Variants in RETREG1 observed in about 807,000 individuals in gnomAD.
The protein encoded by RETREG1 is reticulophagy regulator 1, also known as family with sequence similarity 134 member B.
In RETREG1, 44 loss-of-function variants were observed where a neutral mutation model predicts 54.8. That is an observed-to-expected ratio of 0.80 (90% CI 0.63 to 1.03). The LOEUF is 1.03. Among genes scored for constraint, RETREG1 ranks in the 50% least tolerant of loss-of-function variants. The pLI is 0.00. For missense variants in RETREG1, 554 were observed against 605.1 expected, an observed-to-expected ratio of 0.92 and a Z score of 0.89; for synonymous variants, 217 against 238.5, an observed-to-expected ratio of 0.91 and a Z score of 0.83.
chr5:16,565,630 T>TC, intron 3 of RETREG1, 133 bp downstream of exon 3: 1 of 972,166 alleles, frequency 1.0e-6, no homozygotes, highest in Non-Finnish European at 1.6e-6. Flanking sequence ...TTCTTCATTT[T>TC]CCCACTCTGG....
Position 16,594,320 on chromosome 5 carries a change from A to C in RETREG1, c.321-22218T>G, listed in dbSNP as rs553347404. ...AAGCTACAAGTTCTAAGTGTATTAG[A>C]ATAGATTTTTAAATGTGACTGAATG... On this transcript the variant is annotated intron_variant, in intron 1 of 8. Transcript: ENST00000306320. This position sits in a 1 kb window ranked among gnomAD's most constrained non-coding sequence, Gnocchi z 4.4. Among the ~76,000 whole-genome samples, 13 of 152,366 alleles carry C rather than the reference A, an allele frequency of 8.5e-5. No homozygotes were observed. The highest frequency in any genetic ancestry group is 2.9e-4 in the African/African-American group (12 of 41,588).
chr5:16,607,373 G>T (rs988971785), intron 1 of RETREG1, among the ~76,000 whole-genome samples: 14 of 151,982 alleles, frequency 9.2e-5, no homozygotes, highest in Non-Finnish European at 1.8e-4. Flanking sequence ...TGGTGGCTCG[G>T]CTGGCCAAGA....
chr5:16,569,287 CT>C (rs59365372), intron 2 of RETREG1, among the ~76,000 whole-genome samples: 15,112 of 140,732 alleles, frequency 0.11, 860 homozygotes, highest in African/African-American at 0.17. Context: ...CCATTTCTTT[CT>C]TTTTTTTTTT....
At chr5:16,527,800 ATTTTTTTTTTTTTT>A (rs386403108) in intron 3 of RETREG1, among the ~76,000 whole-genome samples, 1 of 66,250 alleles carries the variant, frequency 1.5e-5, no homozygotes, top group Non-Finnish European at 2.7e-5. Flanking sequence ...AGGGACTCTA[ATTTTTTTTTTTTTT>A]TTTTTTTTTT....
At chr5:16,577,131 A>C (rs1389473148) in intron 1 of RETREG1, among the ~76,000 whole-genome samples, 1 of 152,186 alleles carries the variant, frequency 6.6e-6, no homozygotes, top group Non-Finnish European at 1.5e-5. Flanking sequence ...CTGGACCCTT[A>C]TAGGTCCCTT....
intron 1 of RETREG1, among the ~76,000 whole-genome samples, chr5:16,578,827 T>A (rs1742409972): frequency 6.6e-6 from 1 of 152,206 alleles, no homozygotes; most frequent in South Asian, 2.1e-4. Context: ...AATCCCAGCC[T>A]TCCCCCTGCA....
intron 5 of RETREG1, 145 bp downstream of exon 5, chr5:16,480,864 A>T (rs1738739405): frequency 3.1e-6 from 2 of 648,172 alleles, no homozygotes; most frequent in Non-Finnish European, 5.6e-6. Context: ...GAAAATGGAG[A>T]AACTTTGTAC....
At chr5:16,607,615 A>G (rs761882478) in intron 1 of RETREG1, among the ~76,000 whole-genome samples, 5 of 152,128 alleles carry the variant, frequency 3.3e-5, no homozygotes, top group Non-Finnish European at 7.4e-5. Flanking sequence ...CTCTGTCTCA[A>G]TTTAAAAAAA....
rs1172960356 is a variant in RETREG1, at chr5:16,616,802, A to G, written c.170T>C (p.Val57Ala). ...CGCCGCCCGGCCCGCGGCCTCCTCC[A>G]CCTGCAACCCCGCGCCCTCCGCCGC... is the stretch of plus-strand genomic sequence containing the variant. ...AGAAEGAGLQVEEAAGRAAAA... is the reference protein window; with the variant it reads ...AGAAEGAGLQAEEAAGRAAAA... Residue 57 changes from valine to alanine, a missense_variant, in exon 1 of 9, where the codon GTG (valine) becomes GCG (alanine). Physicochemically the swap from Val to Ala is moderately conservative, Grantham distance 64. Around this residue, in one of 4 missense-constraint regions of RETREG1, gnomAD observed 175 missense variants for 142.1 expected, o/e 1.23. Coordinates refer to ENST00000306320, the MANE Select transcript of RETREG1 (RefSeq NM_001034850.3). The G allele has an allele frequency of 6.6e-7, 1 of 1,524,596 alleles. No individual in the cohort carries two copies. The highest frequency in any genetic ancestry group is 8.8e-7 in the Non-Finnish European group (1 of 1,142,776). 94.4% of individuals were successfully genotyped at this position (1,524,596 alleles called of 1,614,324 possible). A position where few individuals can be genotyped will look rare whatever the true frequency, so the allele number is the denominator to read the frequency against.
chr5:16,554,624 T>C (rs1035577363), intron 3 of RETREG1, among the ~76,000 whole-genome samples: 3 of 152,190 alleles, frequency 2.0e-5, no homozygotes, highest in African/African-American at 7.2e-5. Context: ...TACATTTATG[T>C]ACCAACATAC....
chr5:16,573,904 C>T (rs956892754), intron 1 of RETREG1, among the ~76,000 whole-genome samples: 14 of 152,006 alleles, frequency 9.2e-5, no homozygotes, highest in Non-Finnish European at 1.9e-4. Flanking sequence ...GCCACCACGC[C>T]CAGCTAATTT....
chr5:16,576,232 C>T (rs944860263), intron 1 of RETREG1, among the ~76,000 whole-genome samples: 8 of 151,964 alleles, frequency 5.3e-5, no homozygotes, highest in African/African-American at 1.9e-4. Context: ...AAATCCCAAA[C>T]ATCATGTAAT....
rs751185980 is a variant in RETREG1 at position 16,478,883 on chromosome 5, C to A, written c.775G>T (p.Glu259Ter). Residue 259 changes from glutamate to a stop codon, truncating the protein, a stop_gained, in exon 6 of 9, where the codon GAA becomes TAA. Coordinates refer to ENST00000306320, the MANE Select transcript of RETREG1 (RefSeq NM_001034850.3). LOFTEE classifies it high-confidence loss of function. The part of the protein sequence containing the change: ...VLLKLDFGIG[E>*]YINQKKRERS... The stretch of plus-strand genomic sequence containing the variant: ...TCACGTTTCTTCTGATTAATATATT[C>A]TCCAATTCCAAAATCCAGTTTCAGC... 1 of 1,612,216 alleles carries A rather than the reference C, an allele frequency of 6.2e-7. No homozygotes were observed. Among genetic ancestry groups the A allele is most frequent in the Non-Finnish European group, 8.5e-7 (1 of 1,178,904 alleles).
intron 1 of RETREG1, 134 bp from the exon 2 acceptor site, chr5:16,572,236 A>C: frequency 9.1e-6 from 6 of 658,336 alleles, no homozygotes; most frequent in Non-Finnish European, 1.6e-5. Flanking sequence ...TTTTTGAGAC[A>C]GAGTCTCGCT....
intron 1 of RETREG1, among the ~76,000 whole-genome samples, chr5:16,595,186 G>A (rs912713871): frequency 2.6e-5 from 4 of 152,172 alleles, no homozygotes; most frequent in Admixed American, 1.3e-4. Flanking sequence ...TCTTGTACAC[G>A]AGGCCCCCTA....
chr5:16,574,634 G>A (rs934556489), intron 1 of RETREG1, among the ~76,000 whole-genome samples: 17 of 152,216 alleles, frequency 1.1e-4, no homozygotes, highest in African/African-American at 4.1e-4. Context: ...ATAACAGTCT[G>A]CAACTGCTGC....
rs1035360609 is a variant in RETREG1, at chr5:16,572,960, G to A, written c.321-858C>T. Among the ~76,000 whole-genome samples, 9 of 152,038 alleles carry A rather than the reference G, an allele frequency of 5.9e-5. 1 individual carries two copies. In the South Asian group the frequency reaches 8.3e-4, roughly 14 times the overall value. ...AGCATTTTGGGAGGCCGAGGCAGGC[G>A]GATCACAAGGTCAAGAGATTGAGAC... On this transcript the variant is annotated intron_variant, in intron 1 of 8. Transcript: ENST00000306320.
Position 16,477,770 on chromosome 5 carries a change from C to T in RETREG1, c.892G>A (p.Ala298Thr). The change falls in exon 8 of 9, where the codon GCC (alanine) becomes ACC (threonine). Residue 298 changes from alanine to threonine, a missense_variant. Around this residue, in one of 4 missense-constraint regions of RETREG1, gnomAD observed 347 missense variants for 412.3 expected, o/e 0.84. Coordinates refer to ENST00000306320, the MANE Select transcript of RETREG1 (RefSeq NM_001034850.3). The stretch of plus-strand genomic sequence containing the variant: ...GTGTCAGACACAGATAACTCTTTGG[C>T]AGCAACCGTGAGGCTAATCTGTGTT... ...LCPKISLTVAAKELSVSDTDV... is the reference protein window; with the variant it reads ...LCPKISLTVATKELSVSDTDV... 6.2e-7 allele frequency: 1 copy of T among 1,613,374 alleles called. No homozygotes were observed. The highest frequency in any genetic ancestry group is 8.5e-7 in the Non-Finnish European group (1 of 1,179,564).
Position 16,478,850 on chromosome 5 carries a change from C to T in RETREG1, c.808G>A (p.Glu270Lys). 3 of 1,611,330 alleles carry T rather than the reference C, an allele frequency of 1.9e-6. No individual in the cohort carries two copies. Among genetic ancestry groups the T allele is most frequent in the Non-Finnish European group, 2.5e-6 (3 of 1,178,146 alleles). ...YINQKKRERS[E>K]ADKEKSHKDD... ...AATCTAAAATATAAACTTTACCTAC[C>T]AGATCTCTCACGTTTCTTCTGATTA... The change falls in exon 6 of 9, where the codon GAA becomes AAA. Residue 270 changes from glutamate (E) to lysine (K), a missense_variant and splice_region_variant. Coordinates refer to ENST00000306320, the MANE Select transcript of RETREG1 (RefSeq NM_001034850.3).
Sources: gnomAD v4.1 joint callset for allele counts (sites outside exome capture counted in the v4.1 genomes callset) on GRCh38, gnomAD v4.1.1 for gene constraint, gnomAD v4.1.1 regional missense constraint, Gnocchi (gnomAD v3.1) non-coding constraint, MANE v1.5 for transcripts, NCBI Gene and HGNC (gene_info 2026-07-23, HGNC 2026-07-21) for gene names.